Variants in RIN3 observed in about 807,000 individuals in gnomAD.
RIN3 encodes RAB5 interacting protein 3.
RIN3 carries 54 observed loss-of-function variants against 76.3 expected under a neutral mutation model. That is an observed-to-expected ratio of 0.71 (90% CI 0.57 to 0.89). The LOEUF (loss-of-function observed/expected upper bound fraction) is 0.89, where lower values mean the gene tolerates loss of function less well. Among genes scored for constraint, RIN3 ranks in the 40% least tolerant of loss-of-function variants. The pLI, the probability that RIN3 is intolerant of heterozygous loss-of-function variation, is 0.00. For missense variants in RIN3, 1,256 were observed against 1,322.1 expected (o/e 0.95, Z 0.78); for synonymous variants, 576 against 564.0 (o/e 1.02, Z -0.30).
chr14:92,647,434 GT>G (rs1887240783), intron 5 of RIN3, among the ~76,000 whole-genome samples: 1 of 152,208 alleles, frequency 6.6e-6, no homozygotes, highest in Non-Finnish European at 1.5e-5. Flanking sequence ...ATTACTCGCA[GT>G]GGTTTTCAAA....
At chr14:92,516,415 G>A (rs1896444450) in intron 1 of RIN3, among the ~76,000 whole-genome samples, 1 of 152,188 alleles carries the variant, frequency 6.6e-6, no homozygotes, top group African/African-American at 2.4e-5. Flanking sequence ...CCCACCTACA[G>A]CAGGGCCAGT....
rs377746153 is a variant in RIN3, at chr14:92,651,827, C to T, written c.778C>T (p.Arg260Cys). 14 of 1,612,390 alleles carry T rather than the reference C, an allele frequency of 8.7e-6. No individual in the cohort carries two copies. Among genetic ancestry groups the T allele is most frequent in the Middle Eastern group, 1.6e-4 (1 of 6,070 alleles). ...DQPPLGNCPA[R>C]PLPPTSDATS... ...GCCACCTCTTGGAAATTGCCCTGCA[C>T]GCCCTTTGCCGCCCACCTCTGATGC... The change falls in exon 6 of 10, where the codon CGC (arginine) becomes TGC (cysteine). Residue 260 changes from arginine (R) to cysteine (C), a missense_variant. Physicochemically the swap from Arg to Cys is radical, Grantham distance 180. Around this residue, in one of 3 missense-constraint regions of RIN3, gnomAD observed 610 missense variants for 626.4 expected, o/e 0.97. Transcript: ENST00000216487.
chr14:92,621,838 A>G (rs1886194601), intron 4 of RIN3, among the ~76,000 whole-genome samples: 1 of 152,256 alleles, frequency 6.6e-6, no homozygotes. Flanking sequence ...ACACACACAT[A>G]AATGAAAATC....
intron 4 of RIN3, 125 bp downstream of exon 4, chr14:92,615,604 G>A (rs561098422): frequency 3.7e-6 from 3 of 807,748 alleles, no homozygotes; most frequent in East Asian, 2.4e-5. Context: ...AGGATGCAGA[G>A]AGAGGGCACA....
intron 8 of RIN3, 47 bp from the exon 9 acceptor site, chr14:92,684,940 T>C (rs781713516): frequency 6.3e-7 from 1 of 1,576,512 alleles, no homozygotes; most frequent in Non-Finnish European, 8.7e-7. Context: ...TTGCCTCTGG[T>C]GGGCGGAGGC....
At chr14:92,645,951 CA>C (rs35439699) in intron 5 of RIN3, among the ~76,000 whole-genome samples, 104,805 of 139,506 alleles carry the variant, frequency 0.75, 38,165 homozygotes, top group African/African-American at 0.82. Context: ...GACTCTCTCT[CA>C]AAAAAAAAAA....
intron 3 of RIN3, among the ~76,000 whole-genome samples, chr14:92,598,435 C>G (rs1264357955): frequency 6.6e-6 from 1 of 152,222 alleles, no homozygotes; most frequent in Non-Finnish European, 1.5e-5. Flanking sequence ...AATTCCTGAC[C>G]CACAAATTGT....
At chr14:92,564,186 C>T (rs1773317801) in intron 2 of RIN3, among the ~76,000 whole-genome samples, 1 of 152,202 alleles carries the variant, frequency 6.6e-6, no homozygotes, top group Non-Finnish European at 1.5e-5. Flanking sequence ...AAAAACAAAA[C>T]CCCTTATGGT....
Position 92,561,044 on chromosome 14 carries a change from A to AATAT in RIN3, c.249+5098_249+5101dup, listed in dbSNP as rs1555383857. 3.7e-4 allele frequency among the ~76,000 whole-genome samples: 9 copies of AATAT among 24,406 alleles called. 1 individual carries two copies. In the East Asian group the frequency reaches 0.015, roughly 40 times the overall value. The allele number at this position is 24,406 out of a possible 152,430, so 16.0% of individuals were successfully genotyped here. On this transcript the variant is annotated intron_variant, in intron 2 of 9. Transcript: ENST00000216487. Reference sequence around the variant, plus strand: ...CTAAAAAAAAAAAAAAAAAAAAAAAAATATATATATATCTGCCATATATAT... The same window carrying AATAT: ...CTAAAAAAAAAAAAAAAAAAAAAAAAATATATATATATATATCTGCCATATATAT...
chr14:92,536,756 A>G (rs975775954), intron 1 of RIN3, among the ~76,000 whole-genome samples: 7 of 151,654 alleles, frequency 4.6e-5, no homozygotes, highest in South Asian at 2.1e-4. Flanking sequence ...AAAAAAAAAA[A>G]AAAAAAGAAA....
chr14:92,526,429 A>G (rs746932027), intron 1 of RIN3, among the ~76,000 whole-genome samples: 8 of 151,906 alleles, frequency 5.3e-5, no homozygotes, highest in African/African-American at 1.9e-4. Flanking sequence ...ACTGCACTCC[A>G]GCCTGAGTGA....
At chr14:92,599,125 A>G (rs940383245) in intron 3 of RIN3, among the ~76,000 whole-genome samples, 2 of 152,180 alleles carry the variant, frequency 1.3e-5, no homozygotes, top group East Asian at 1.9e-4. Flanking sequence ...TCGCAGGGCA[A>G]TGTGCATCCA....
intron 4 of RIN3, 74 bp downstream of exon 4, chr14:92,615,553 G>A (rs8022440): frequency 4.0e-6 from 5 of 1,262,986 alleles, no homozygotes; most frequent in Non-Finnish European, 5.8e-6. Context: ...TGGGTGCAGG[G>A]GACTTCACAG....
At chr14:92,544,414 T>TGGGGGGGGGGGG (rs71123353) in intron 1 of RIN3, among the ~76,000 whole-genome samples, 79 of 74,564 alleles carry the variant, frequency 1.1e-3, no homozygotes, top group Admixed American at 2.8e-3. Context: ...GTGACAGCTG[T>TGGGGGGGGGGGG]GGGGGGGGGG....
At chr14:92,654,846 G>A (rs550448264) in intron 6 of RIN3, among the ~76,000 whole-genome samples, 209 of 152,288 alleles carry the variant, frequency 1.4e-3, no homozygotes, top group African/African-American at 4.3e-3. Context: ...GGGAGCTTAC[G>A]GTCTATCAGA....
rs767918527 is a variant in RIN3, at chr14:92,688,147, G to T, written c.2853G>T (p.Glu951Asp). ...HCIKGYLLRSEPKRDFHFVYR... is the reference protein window; with the variant it reads ...HCIKGYLLRSDPKRDFHFVYR... ...TCAAGGGCTACCTGCTGCGCAGCGA[G>T]CCCAAGCGCGACTTCCACTTTGTCT... Residue 951 changes from glutamate to aspartate, a missense_variant, in exon 10 of 10, where the codon GAG becomes GAT. By Grantham distance (45) the Glu-to-Asp change is conservative. Coordinates refer to ENST00000216487, the MANE Select transcript of RIN3 (RefSeq NM_024832.5). 3 of 1,610,268 alleles carry T rather than the reference G, an allele frequency of 1.9e-6. No homozygotes were observed. In the South Asian group the frequency reaches 3.3e-5, roughly 18 times the overall value.
At chr14:92,583,711 G>C (rs1174293699) in intron 3 of RIN3, among the ~76,000 whole-genome samples, 2 of 152,186 alleles carry the variant, frequency 1.3e-5, no homozygotes, top group African/African-American at 4.8e-5. Flanking sequence ...TTTGGCACCA[G>C]CTTCATCCAT....
Position 92,652,457 on chromosome 14 carries a change from C to T in RIN3, c.1408C>T (p.Leu470=), listed in dbSNP as rs1183999251. 1 of 1,614,106 alleles carries T rather than the reference C, an allele frequency of 6.2e-7. No individual in the cohort carries two copies. Residue 470 remains leucine, a synonymous_variant, in exon 6 of 10, where the codon CTG becomes TTG. Coordinates refer to ENST00000216487, the MANE Select transcript of RIN3 (RefSeq NM_024832.5). This position sits in a 1 kb window ranked among gnomAD's most constrained non-coding sequence, Gnocchi z 6.4. ...PPRKKRISRQ[L]ASTLPAPLEN... is the part of the protein sequence containing the mutation. ...CAGGAAAAAACGGATCTCTCGACAA[C>T]TGGCCTCGACCCTCCCAGCTCCCTT...
At chr14:92,576,415 C>G (rs1319323105) in intron 2 of RIN3, 1 of 1,288,206 alleles carries the variant, frequency 7.8e-7, no homozygotes, top group East Asian at 5.5e-5. Flanking sequence ...CAGCTGCGTC[C>G]TCACAGCCTA....
Sources: gnomAD v4.1 joint callset for allele counts (sites outside exome capture counted in the v4.1 genomes callset) on GRCh38, gnomAD v4.1.1 for gene constraint, gnomAD v4.1.1 regional missense constraint, Gnocchi (gnomAD v3.1) non-coding constraint, MANE v1.5 for transcripts, NCBI Gene and HGNC (gene_info 2026-07-23, HGNC 2026-07-21) for gene names.